NRIP1: variants seen among roughly 807,000 people sequenced by gnomAD.
The protein encoded by NRIP1 is nuclear receptor interacting protein 1, also known as nuclear receptor-interacting protein 1.
A neutral mutation model predicts 75.0 loss-of-function variants in NRIP1; 28 were observed. The observed-to-expected ratio is 0.37, with a 90% CI of 0.28 to 0.51. NRIP1 has a LOEUF of 0.51. NRIP1 is among the 20% of genes least tolerant of loss of function. The pLI is 0.92. For synonymous variants in NRIP1, 526 were observed against 487.6 expected (o/e 1.08, Z -1.04); for missense variants, 1,435 against 1,343.7 (o/e 1.07, Z -1.06).
At chr21:15,009,642 C>T (rs2088054798) in intron 3 of NRIP1, among the ~76,000 whole-genome samples, 1 of 152,052 alleles carries the variant, frequency 6.6e-6, no homozygotes, top group Non-Finnish European at 1.5e-5. Context: ...GACCATAAGC[C>T]CAGTCCAGGA....
chr21:14,982,772 T>C (rs1168195055), intron 3 of NRIP1, among the ~76,000 whole-genome samples: 3 of 151,928 alleles, frequency 2.0e-5, no homozygotes, highest in Admixed American at 6.6e-5. Context: ...AGGAAGTCTA[T>C]TGGTACCACT....
intron 3 of NRIP1, among the ~76,000 whole-genome samples, chr21:15,008,717 T>G (rs2088032868): frequency 6.6e-6 from 1 of 152,192 alleles, no homozygotes; most frequent in Non-Finnish European, 1.5e-5. Context: ...CTGTTCGCAA[T>G]TAGACAAGTG....
Position 15,064,897 on chromosome 21 carries a change from G to GTC in NRIP1, c.-691_-690insGA. The GTC allele has an allele frequency of 6.7e-6, 1 of 148,480 alleles. No individual in the cohort carries two copies. Among genetic ancestry groups the GTC allele is most frequent in the East Asian group, 2.0e-4 (1 of 5,084 alleles). The allele number at this position is 148,480 out of a possible 1,614,324, so 9.2% of individuals were successfully genotyped here. On this transcript the variant is annotated 5_prime_UTR_variant, in exon 1 of 4. Transcript: ENST00000318948. ...GCGGACGCGAGGCCACGGGCGGACG[G>GTC]GCGCGCGCGGGTGGCGGGCGGGCGT...
intron 1 of NRIP1, among the ~76,000 whole-genome samples, chr21:15,063,723 G>T (rs1978546820): frequency 6.6e-6 from 1 of 152,056 alleles, no homozygotes; most frequent in African/African-American, 2.4e-5. Flanking sequence ...CCACCAACTG[G>T]GTTTTTAAAA....
Position 14,966,912 on chromosome 21 carries a change from G to A in NRIP1, c.1281C>T (p.Asp427=), listed in dbSNP as rs1353213112. Residue 427 remains aspartate, a synonymous_variant, in exon 4 of 4, where the codon GAC becomes GAT. Transcript: ENST00000318948. The stretch of plus-strand genomic sequence containing the variant: ...AATAAGAACTTTCATCACCACTGCT[G>A]TCATCTGTAAAACTAGGATTGTTAT... ...YSDNNPSFTD[D]SSGDESSYSN... is the part of the protein sequence containing the mutation. 2 of 1,614,080 alleles carry A rather than the reference G, an allele frequency of 1.2e-6. No homozygotes were observed. Among genetic ancestry groups the A allele is most frequent in the Non-Finnish European group, 1.7e-6 (2 of 1,179,982 alleles).
In NRIP1 at chr21:14,966,912, G is replaced by C; in HGVS notation, c.1281C>G (p.Asp427Glu). 1 of 1,614,080 alleles carries C rather than the reference G, an allele frequency of 6.2e-7. No homozygotes were observed. Among genetic ancestry groups the C allele is most frequent in the Non-Finnish European group, 8.5e-7 (1 of 1,179,982 alleles). The change falls in exon 4 of 4, where the codon GAC becomes GAG. Residue 427 changes from aspartate to glutamate, a missense_variant. Coordinates refer to ENST00000318948, the MANE Select transcript of NRIP1 (RefSeq NM_003489.4). ...YSDNNPSFTD[D>E]SSGDESSYSN... ...AATAAGAACTTTCATCACCACTGCT[G>C]TCATCTGTAAAACTAGGATTGTTAT...
chr21:14,998,657 T>C (rs1397145345), intron 3 of NRIP1, among the ~76,000 whole-genome samples: 1 of 152,232 alleles, frequency 6.6e-6, no homozygotes, highest in Non-Finnish European at 1.5e-5. Context: ...CTCCTTAGCC[T>C]ACTTAATGTG....
chr21:15,062,421 T>A (rs1978379330), intron 1 of NRIP1, among the ~76,000 whole-genome samples: 1 of 152,246 alleles, frequency 6.6e-6, no homozygotes, highest in Non-Finnish European at 1.5e-5. Context: ...TAATGGCATC[T>A]GATTGGGAAG....
chr21:15,053,949 TC>T (rs942959288), intron 1 of NRIP1, among the ~76,000 whole-genome samples: 17 of 152,364 alleles, frequency 1.1e-4, no homozygotes, highest in African/African-American at 4.1e-4. Context: ...TAATTTATTT[TC>T]TATTAGCATT....
chr21:14,972,214 T>G (rs1415949494), intron 3 of NRIP1, among the ~76,000 whole-genome samples: 1 of 152,170 alleles, frequency 6.6e-6, no homozygotes, highest in African/African-American at 2.4e-5. Context: ...TGAGCCAAAT[T>G]TCTTTAGATA....
chr21:15,005,976 T>TGC (rs2087962430), intron 3 of NRIP1, among the ~76,000 whole-genome samples: 1 of 152,162 alleles, frequency 6.6e-6, no homozygotes, highest in Non-Finnish European at 1.5e-5. Context: ...CAGTCACAGG[T>TGC]TAAGACTAAA....
chr21:15,032,929 A>C (rs887166446), intron 2 of NRIP1, among the ~76,000 whole-genome samples: 1 of 152,200 alleles, frequency 6.6e-6, no homozygotes, highest in African/African-American at 2.4e-5. Flanking sequence ...GAGAAAGCTG[A>C]AAAATTAAAA....
At chr21:14,974,873 T>A (rs1470026562) in intron 3 of NRIP1, among the ~76,000 whole-genome samples, 1 of 152,138 alleles carries the variant, frequency 6.6e-6, no homozygotes, top group Admixed American at 6.5e-5. Flanking sequence ...TTTCAGAGGC[T>A]GAGGCAGGAT....
intron 3 of NRIP1, among the ~76,000 whole-genome samples, chr21:14,992,005 AATAT>A (rs1345724121): frequency 6.6e-6 from 1 of 151,942 alleles, no homozygotes; most frequent in East Asian, 1.9e-4. Context: ...CTCTATTCTA[AATAT>A]TGTACACAGC....
At chr21:15,045,527 T>A (rs2089053535) in intron 1 of NRIP1, among the ~76,000 whole-genome samples, 1 of 152,250 alleles carries the variant, frequency 6.6e-6, no homozygotes, top group South Asian at 2.1e-4. Context: ...GTTTTACTCT[T>A]CAGTGGTGGG....
upstream of NRIP1, chr21:15,065,003 G>A (rs1254918293): frequency 2.6e-5 from 4 of 153,270 alleles, no homozygotes; most frequent in Non-Finnish European, 4.4e-5. Context: ...CAATGTCTGC[G>A]AGGCTGACTT....
Position 14,968,030 on chromosome 21 carries a change from C to T in NRIP1, c.163G>A (p.Gly55Ser), listed in dbSNP as rs374002029. The T allele has an allele frequency of 1.2e-6, 2 of 1,613,990 alleles. No homozygotes were observed. The highest frequency in any genetic ancestry group is 2.7e-5 in the African/African-American group (2 of 75,030). Residue 55 changes from glycine to serine, a missense_variant, in exon 4 of 4, where the codon GGC becomes AGC. Physicochemically the swap from Gly to Ser is moderately conservative, Grantham distance 56 (BLOSUM62 0). Coordinates refer to ENST00000318948, the MANE Select transcript of NRIP1 (RefSeq NM_003489.4). Reference protein sequence around the residue: ...NEEDQNFNISGSAFPTCQSNG... With the variant: ...NEEDQNFNISSSAFPTCQSNG... The stretch of plus-strand genomic sequence containing the variant: ...CTTTGACAGGTGGGAAATGCACTGC[C>T]AGAAATGTTAAAGTTCTGATCCTCT...
intron 2 of NRIP1, among the ~76,000 whole-genome samples, chr21:15,016,972 AAAAGAG>A (rs2088247940): frequency 6.6e-6 from 1 of 151,714 alleles, no homozygotes; most frequent in Non-Finnish European, 1.5e-5. Context: ...AGAAAGAAAG[AAAAGAG>A]AAAGAAAGAA....
At chr21:15,012,047 A>G (rs2088115731) in intron 3 of NRIP1, among the ~76,000 whole-genome samples, 1 of 152,186 alleles carries the variant, frequency 6.6e-6, no homozygotes, top group African/African-American at 2.4e-5. Context: ...AAAAATTACT[A>G]TACTTAAAAA....
Sources: allele counts gnomAD v4.1 joint callset (sites outside exome capture counted in the v4.1 genomes callset), GRCh38; gene constraint gnomAD v4.1.1; transcripts MANE v1.5; gene names NCBI Gene and HGNC (gene_info 2026-07-23, HGNC 2026-07-21).